The following SUCLG2 variants were observed in gnomAD, a reference collection of about 807,000 sequenced individuals.
SUCLG2 encodes the protein succinate-CoA ligase GDP-forming subunit beta.
In SUCLG2, 42 loss-of-function variants were observed where a neutral mutation model predicts 47.9. The observed-to-expected ratio is 0.88, with a 90% CI of 0.69 to 1.14. The LOEUF (loss-of-function observed/expected upper bound fraction) is 1.14, where lower values mean the gene tolerates loss of function less well. Ranked by LOEUF, SUCLG2 falls within the 50% of genes most tolerant of loss-of-function variation. The pLI is 0.00. For synonymous variants in SUCLG2, 195 were observed against 197.3 expected (o/e 0.99, Z 0.10); for missense variants, 571 against 525.9 (o/e 1.09, Z -0.84).
At chr3:67,427,643 C>G (rs1005686099) in intron 9 of SUCLG2, among the ~76,000 whole-genome samples, 1 of 152,242 alleles carries the variant, frequency 6.6e-6, no homozygotes, top group South Asian at 2.1e-4. Flanking sequence ...GCCCATGGAG[C>G]ACGAGCCGAA....
chr3:67,519,292 C>T (rs913084878), intron 5 of SUCLG2, among the ~76,000 whole-genome samples: 1 of 152,134 alleles, frequency 6.6e-6, no homozygotes, highest in Non-Finnish European at 1.5e-5. Context: ...TTACCTTGCA[C>T]CCTGTGCTCC....
At chr3:67,570,598 C>T (rs918498916) in intron 2 of SUCLG2, among the ~76,000 whole-genome samples, 2 of 152,192 alleles carry the variant, frequency 1.3e-5, no homozygotes, top group Non-Finnish European at 2.9e-5. Context: ...CTGAAATCAA[C>T]CACATGGGCA....
At chr3:67,483,347 T>C (rs888278055) in intron 9 of SUCLG2, among the ~76,000 whole-genome samples, 1 of 152,134 alleles carries the variant, frequency 6.6e-6, no homozygotes, top group African/African-American at 2.4e-5. Context: ...ATTGATAGCA[T>C]TCATGTCATT....
chr3:67,518,537 A>G (rs905747485), intron 5 of SUCLG2, among the ~76,000 whole-genome samples: 1 of 152,226 alleles, frequency 6.6e-6, no homozygotes, highest in African/African-American at 2.4e-5. Context: ...CCCTTCCAAA[A>G]ACTATATAAT....
intron 2 of SUCLG2, among the ~76,000 whole-genome samples, chr3:67,552,364 C>T (rs544692451): frequency 6.6e-6 from 1 of 152,094 alleles, no homozygotes; most frequent in South Asian, 2.1e-4. Flanking sequence ...ACTTAATATA[C>T]CAAATTATAA....
At chr3:67,387,960 T>C (rs17043085) in intron 10 of SUCLG2, among the ~76,000 whole-genome samples, 8,305 of 150,822 alleles carry the variant, frequency 0.055, 379 homozygotes, top group South Asian at 0.18. Context: ...ACTAGATGGC[T>C]GGGAAAATAA....
chr3:67,563,578 G>A (rs1707365166), intron 2 of SUCLG2, among the ~76,000 whole-genome samples: 1 of 152,176 alleles, frequency 6.6e-6, no homozygotes, highest in South Asian at 2.1e-4. Flanking sequence ...AGAACACAAT[G>A]TACAATATGC....
At chr3:67,396,503 C>G (rs1181124542) in intron 10 of SUCLG2, among the ~76,000 whole-genome samples, 8 of 152,132 alleles carry the variant, frequency 5.3e-5, no homozygotes, top group Non-Finnish European at 1.2e-4. Flanking sequence ...AGACCAATAA[C>G]AGGCTCTGAA....
At chr3:67,464,592 T>C (rs1398115098) in intron 9 of SUCLG2, among the ~76,000 whole-genome samples, 2 of 152,234 alleles carry the variant, frequency 1.3e-5, no homozygotes, top group Non-Finnish European at 2.9e-5. Context: ...TCAAAACTTA[T>C]AATTCCACTT....
chr3:67,603,696 T>C (rs1708470902), intron 2 of SUCLG2, among the ~76,000 whole-genome samples: 1 of 152,214 alleles, frequency 6.6e-6, no homozygotes, highest in Admixed American at 6.5e-5. Flanking sequence ...GAATAATTAA[T>C]AAATTGTAGA....
At chr3:67,605,647 A>G (rs1025216470) in intron 2 of SUCLG2, among the ~76,000 whole-genome samples, 2 of 152,052 alleles carry the variant, frequency 1.3e-5, no homozygotes, top group African/African-American at 4.8e-5. Context: ...ATAGATATGC[A>G]CTGGTGAAAC....
rs73090998 is a variant in SUCLG2 at position 67,616,242 on chromosome 3, G to A, written c.85-6646C>T. 9.2e-3 allele frequency among the ~76,000 whole-genome samples: 1,394 copies of A among 152,218 alleles called. 7 individuals are homozygous for A. The highest frequency in any genetic ancestry group is 0.016 in the Non-Finnish European group (1,097 of 68,008). On this transcript the variant is annotated intron_variant, in intron 1 of 10. Transcript: ENST00000307227. ...AAACGTTTGACGTGTTAACCACTGAGATCTTAGGAATAACTCATGATAACA... is the reference window on the plus strand; with the variant it reads ...AAACGTTTGACGTGTTAACCACTGAAATCTTAGGAATAACTCATGATAACA...
chr3:67,511,954 G>A (rs779364498), intron 6 of SUCLG2, among the ~76,000 whole-genome samples: 74 of 150,774 alleles, frequency 4.9e-4, no homozygotes, highest in Non-Finnish European at 8.7e-4. Flanking sequence ...GGGCTCAGAT[G>A]ATCCTCCCAC....
chr3:67,505,131 AT>A (rs981057876), intron 7 of SUCLG2, among the ~76,000 whole-genome samples: 2 of 152,162 alleles, frequency 1.3e-5, no homozygotes, highest in South Asian at 2.1e-4. Context: ...AGCAGGGTCA[AT>A]GAGAATCATT....
At chr3:67,624,277 C>T (rs1448807171) in intron 1 of SUCLG2, among the ~76,000 whole-genome samples, 1 of 152,124 alleles carries the variant, frequency 6.6e-6, no homozygotes, top group African/African-American at 2.4e-5. Context: ...AGGAAATGAG[C>T]GACCTTCGCT....
chr3:67,463,142 G>A (rs907528331), intron 9 of SUCLG2, among the ~76,000 whole-genome samples: 1 of 152,140 alleles, frequency 6.6e-6, no homozygotes, highest in Admixed American at 6.6e-5. Context: ...AGAAAAATAG[G>A]GGATGAAGTA....
At chr3:67,529,811 GT>G (rs1306008476) in intron 2 of SUCLG2, among the ~76,000 whole-genome samples, 1 of 152,120 alleles carries the variant, frequency 6.6e-6, no homozygotes, top group African/African-American at 2.4e-5. Context: ...TGGAATCTTT[GT>G]TTCTCATCAC....
intron 2 of SUCLG2, among the ~76,000 whole-genome samples, chr3:67,561,124 C>A (rs1180743140): frequency 6.6e-6 from 1 of 150,850 alleles, no homozygotes; most frequent in Non-Finnish European, 1.5e-5. Context: ...AAGAACAACA[C>A]AATCCTCTCA....
intron 9 of SUCLG2, among the ~76,000 whole-genome samples, chr3:67,462,371 G>T (rs532895090): frequency 6.6e-6 from 1 of 152,298 alleles, no homozygotes; most frequent in South Asian, 2.1e-4. Flanking sequence ...CATCTGTATA[G>T]ACAGGCCTTT....
Sources: allele counts gnomAD v4.1 joint callset (sites outside exome capture counted in the v4.1 genomes callset), GRCh38; gene constraint gnomAD v4.1.1; transcripts MANE v1.5; gene names NCBI Gene and HGNC (gene_info 2026-07-23, HGNC 2026-07-21).